The following FAM219B variants were observed in gnomAD, a reference collection of about 807,000 sequenced individuals.
FAM219B encodes family with sequence similarity 219 member B, also known as protein FAM219B.
In FAM219B, 18 loss-of-function variants were observed where a neutral mutation model predicts 19.9. The observed-to-expected ratio is 0.91, with a 90% CI of 0.63 to 1.34. FAM219B has a LOEUF of 1.34. FAM219B is among the 40% of genes most tolerant of loss of function. FAM219B has a pLI of 0.00. For missense variants in FAM219B, 283 were observed against 270.5 expected (o/e 1.05, Z -0.32); for synonymous variants, 123 against 117.5 (o/e 1.05, Z -0.30).
chr15:74,900,339 G>A lies in FAM219B; in HGVS notation c.*2280C>T, dbSNP rs1261205068. Reference sequence around the variant, plus strand: ...CCAGCTCAGAAACCTCTTCTTCAGGGACAGTTGCAGCTGAATATGCCAGAG... The same window carrying A: ...CCAGCTCAGAAACCTCTTCTTCAGGAACAGTTGCAGCTGAATATGCCAGAG... On this transcript the variant is annotated 3_prime_UTR_variant, in exon 5 of 5. Transcript: ENST00000357635. 6.6e-6 allele frequency: 1 copy of A among 152,246 alleles called. No homozygotes were observed. The highest frequency in any genetic ancestry group is 2.4e-5 in the African/African-American group (1 of 41,416). The allele number at this position is 152,246 out of a possible 1,614,324, so 9.4% of individuals were successfully genotyped here. A position where few individuals can be genotyped will look rare whatever the true frequency, so the allele number is the denominator to read the frequency against.
Position 74,902,717 on chromosome 15 carries a change from C to T in FAM219B, c.499G>A (p.Glu167Lys), listed in dbSNP as rs377053696. Residue 167 changes from glutamate to lysine, a missense_variant, in exon 5 of 5, where the codon GAG becomes AAG. Glu to Lys is a moderately conservative substitution (Grantham distance 56, BLOSUM62 1). Coordinates refer to ENST00000357635, the MANE Select transcript of FAM219B (RefSeq NM_020447.5). ...GYHLDEIPDD[E>K]DLDLIPPKPM... The stretch of plus-strand genomic sequence containing the variant: ...TTAGGGGGGATGAGGTCCAAGTCCT[C>T]GTCATCTGGAATCTCATCCAGGTGA... 29 of 1,612,982 alleles carry T rather than the reference C, an allele frequency of 1.8e-5. No individual in the cohort carries two copies. Among genetic ancestry groups the T allele is most frequent in the Middle Eastern group, 1.7e-4 (1 of 6,060 alleles).
intron 2 of FAM219B, 121 bp downstream of exon 2, chr15:74,906,157 C>T: frequency 1.1e-6 from 1 of 952,350 alleles, no homozygotes. Flanking sequence ...GATAGTGAAC[C>T]TGACAGGTTG....
chr15:74,902,781 C>T lies in FAM219B; in HGVS notation c.435G>A (p.Val145=), dbSNP rs1345969994. 1 of 1,607,896 alleles carries T rather than the reference C, an allele frequency of 6.2e-7. No individual in the cohort carries two copies. Among genetic ancestry groups the T allele is most frequent in the Admixed American group, 1.7e-5 (1 of 59,150 alleles). Residue 145 remains valine, a synonymous_variant, in exon 5 of 5, where the codon GTG becomes GTA. Transcript: ENST00000357635. ...YSSGYSSAEQ[V]NQDVSRQLLQ... is the part of the protein sequence containing the mutation. ...GCAGCTGCCGGCTCACATCCTGGTT[C>T]ACCTGCTAAGAGAAGGAGAGGAGGG...
chr15:74,906,577 CCA>C lies in FAM219B; in HGVS notation c.214+8_214+9del. ...GGAGAAACCTCCCCCGACCATCGGG[CCA>C]CACTCACGCAGCTTGGCTTGAATGG... On this transcript the variant is annotated splice_region_variant and intron_variant, in intron 1 of 4. Coordinates refer to ENST00000357635, the MANE Select transcript of FAM219B (RefSeq NM_020447.5). 6.7e-7 allele frequency: 1 copy of C among 1,500,980 alleles called. No homozygotes were observed. 93.0% of individuals were successfully genotyped at this position (1,500,980 alleles called of 1,614,324 possible).
intron 2 of FAM219B, 114 bp downstream of exon 2, chr15:74,906,164 G>A (rs1052971557): frequency 9.9e-7 from 1 of 1,011,100 alleles, no homozygotes; most frequent in Non-Finnish European, 1.5e-6. Flanking sequence ...AACCTGACAG[G>A]TTGCATCAGG....
chr15:74,904,543 G>T, intron 4 of FAM219B, 121 bp downstream of exon 4: 3 of 1,231,682 alleles, frequency 2.4e-6, no homozygotes, highest in Non-Finnish European at 3.6e-6. Flanking sequence ...GTGGAAGATC[G>T]TAGAACAGAC....
chr15:74,904,251 T>C (rs77509195), intron 4 of FAM219B, among the ~76,000 whole-genome samples: 3,242 of 152,312 alleles, frequency 0.021, 44 homozygotes, highest in Middle Eastern at 0.031. Flanking sequence ...CTGGGATCTA[T>C]CAAAAGGGTT....
rs369426670 is a variant in FAM219B, at chr15:74,906,262, T to C, written c.302+16A>G. 9.2e-5 allele frequency: 148 copies of C among 1,611,478 alleles called. No individual in the cohort carries two copies. The highest frequency in any genetic ancestry group is 1.1e-4 in the Non-Finnish European group (135 of 1,179,286). ...TCTAAAGCTGCTGGCACAGAGGAGGTGGCGCCTGCTGAGACCTTTTCCCTG... is the reference window on the plus strand; with the variant it reads ...TCTAAAGCTGCTGGCACAGAGGAGGCGGCGCCTGCTGAGACCTTTTCCCTG... On this transcript the variant is annotated intron_variant, in intron 2 of 4. Coordinates refer to ENST00000357635, the MANE Select transcript of FAM219B (RefSeq NM_020447.5).
At chr15:74,904,278 G>A (rs2065094779) in intron 4 of FAM219B, among the ~76,000 whole-genome samples, 1 of 152,152 alleles carries the variant, frequency 6.6e-6, no homozygotes, top group Admixed American at 6.5e-5. Flanking sequence ...GTAAGCTGTG[G>A]CCTAGAAGAC....
In FAM219B at chr15:74,906,287, G is replaced by A. The variant is rs779546999; in HGVS notation, c.293C>T (p.Ser98Leu). 5.6e-6 allele frequency: 9 copies of A among 1,613,484 alleles called. No individual in the cohort carries two copies. The highest frequency in any genetic ancestry group is 7.6e-6 in the Non-Finnish European group (9 of 1,179,898). ...LGASPNRPDSSGKRSVKFNKG... is the reference protein window; with the variant it reads ...LGASPNRPDSLGKRSVKFNKG... ...TGGCGCCTGCTGAGACCTTTTCCCT[G>A]AAGAGTCTGGGCGGTTCGGCGAGGC... Residue 98 changes from serine to leucine, a missense_variant, in exon 2 of 5, where the codon TCA becomes TTA. Ser to Leu is a moderately radical substitution (Grantham distance 145, BLOSUM62 -2). Coordinates refer to ENST00000357635, the MANE Select transcript of FAM219B (RefSeq NM_020447.5).
chr15:74,900,468 C>T lies in FAM219B; in HGVS notation c.*2151G>A, dbSNP rs999048082. 1 of 152,296 alleles carries T rather than the reference C, an allele frequency of 6.6e-6. No individual in the cohort carries two copies. The highest frequency in any genetic ancestry group is 2.4e-5 in the African/African-American group (1 of 41,460). The allele number at this position is 152,296 out of a possible 1,614,324, so 9.4% of individuals were successfully genotyped here. On this transcript the variant is annotated 3_prime_UTR_variant, in exon 5 of 5. Coordinates refer to ENST00000357635, the MANE Select transcript of FAM219B (RefSeq NM_020447.5). The stretch of plus-strand genomic sequence containing the variant: ...CAGGCCATTCTGCCCTGACCACCTC[C>T]CCAACAGAGATGTAGGTCTATACTT...
At chr15:74,898,541 C>CTCT (rs1555479884), downstream of FAM219B, 3 of 143,304 alleles carry the variant, frequency 2.1e-5, no homozygotes, top group African/African-American at 7.6e-5. Context: ...CTGTTTTTCT[C>CTCT]TTTTTTTTTT....
At chr15:74,898,063 A>C, downstream of FAM219B, 1 of 403,178 alleles carries the variant, frequency 2.5e-6, no homozygotes, top group Non-Finnish European at 4.7e-6. Context: ...GCATTAGCTC[A>C]GCATCTGTCA....
At position 74,906,783 on chromosome 15, in the gene FAM219B, G is replaced by A. The variant is rs2065218910; in HGVS notation, c.18C>T (p.Pro6=). 3.9e-6 allele frequency: 5 copies of A among 1,287,580 alleles called. No homozygotes were observed. Among genetic ancestry groups the A allele is most frequent in the Non-Finnish European group, 4.9e-6 (5 of 1,017,932 alleles). The allele number at this position is 1,287,580 out of a possible 1,614,324, so 79.8% of individuals were successfully genotyped here. The part of the protein sequence containing the change: MATAE[P]SGRALRLSTP... ...TAGACAACCGCAACGCGCGCCCGCT[G>A]GGCTCCGCGGTCGCCATGGCCGGGC... The change falls in exon 1 of 5, where the codon CCC becomes CCT. Residue 6 remains proline (P), a synonymous_variant. Coordinates refer to ENST00000357635, the MANE Select transcript of FAM219B (RefSeq NM_020447.5).
intron 4 of FAM219B, among the ~76,000 whole-genome samples, chr15:74,904,175 C>T (rs918410780): frequency 1.3e-5 from 2 of 152,160 alleles, no homozygotes; most frequent in Non-Finnish European, 2.9e-5. Context: ...TAGCAAGGCT[C>T]CTTGGAGGTG....
chr15:74,905,005 T>A, intron 3 of FAM219B, 149 bp downstream of exon 3: 1 of 1,547,600 alleles, frequency 6.5e-7, no homozygotes, highest in Non-Finnish European at 8.7e-7. Flanking sequence ...AACCAAGCCA[T>A]CCTGGGAAGG....
At chr15:74,898,215 TCAC>T, downstream of FAM219B, 1 of 263,840 alleles carries the variant, frequency 3.8e-6, no homozygotes, top group Non-Finnish European at 7.6e-6. Flanking sequence ...CAATTAAAGA[TCAC>T]TTGTGTTGAG....
chr15:74,906,431 A>C, intron 1 of FAM219B, 66 bp from the exon 2 acceptor site: 1 of 1,557,576 alleles, frequency 6.4e-7, no homozygotes, highest in Non-Finnish European at 8.7e-7. Flanking sequence ...GAAGGCTGGG[A>C]GGCCGCTCTT....
Position 74,904,691 on chromosome 15 carries a change from T to C in FAM219B, c.402A>G (p.Arg134=). The C allele has an allele frequency of 6.2e-7, 1 of 1,614,166 alleles. No homozygotes were observed. The highest frequency in any genetic ancestry group is 8.5e-7 in the Non-Finnish European group (1 of 1,180,040). Residue 134 remains arginine, a synonymous_variant, in exon 4 of 5, where the codon AGA becomes AGG. Coordinates refer to ENST00000357635, the MANE Select transcript of FAM219B (RefSeq NM_020447.5). ...DSDSDGELGS[R]YSSGYSSAEQ... Reference sequence around the variant, plus strand: ...CTGCAGATGAATACCCGGAGGAGTATCTGGATCCCAGCTCCCCATCACTAG... The same window carrying C: ...CTGCAGATGAATACCCGGAGGAGTACCTGGATCCCAGCTCCCCATCACTAG...
Sources: gnomAD v4.1 joint callset for allele counts (sites outside exome capture counted in the v4.1 genomes callset) on GRCh38, gnomAD v4.1.1 for gene constraint, MANE v1.5 for transcripts, NCBI Gene and HGNC (gene_info 2026-07-23, HGNC 2026-07-21) for gene names.